The following CCDC146 variants were observed in gnomAD, a reference collection of about 807,000 sequenced individuals.
The protein encoded by CCDC146 is coiled-coil domain containing 146.
CCDC146 carries 92 observed loss-of-function variants against 119.3 expected under a neutral mutation model. The observed-to-expected ratio is 0.77, with a 90% confidence interval of 0.65 to 0.92. The LOEUF (loss-of-function observed/expected upper bound fraction) is 0.92. CCDC146 is among the 40% of genes least tolerant of loss of function. The pLI, the probability that CCDC146 is intolerant of heterozygous loss-of-function variation, is 0.00. For missense variants in CCDC146, 1,000 were observed against 1,103.0 expected (o/e 0.91, Z 1.32); for synonymous variants, 372 against 371.8 (o/e 1.00, Z -0.01).
intron 3 of CCDC146, among the ~76,000 whole-genome samples, chr7:77,239,509 T>C (rs1376719202): frequency 6.6e-6 from 1 of 152,190 alleles, no homozygotes; most frequent in African/African-American, 2.4e-5. Flanking sequence ...CTGTACTGAA[T>C]TGAGAATATC....
At position 77,241,298 on chromosome 7, in the gene CCDC146, C is replaced by A. The variant is rs561467580; in HGVS notation, c.240-393C>A. Among the ~76,000 whole-genome samples, 58 of 94,808 alleles carry A rather than the reference C, an allele frequency of 6.1e-4. 13 individuals are homozygous for A. The highest frequency in any genetic ancestry group is 1.2e-3 in the African/African-American group (43 of 36,502). 62.2% of individuals were successfully genotyped at this position (94,808 alleles called of 152,430 possible). On this transcript the variant is annotated intron_variant, in intron 3 of 18. Transcript: ENST00000285871. ...GGTTTCGATCTCCTGACCTTGTGAT[C>A]CGCCTGCCTCGGCCTCCCAAAGTGC...
chr7:77,286,710 A>G, intron 15 of CCDC146, 88 bp from the exon 16 acceptor site: 1 of 1,382,682 alleles, frequency 7.2e-7, no homozygotes, highest in Non-Finnish European at 1.0e-6. Flanking sequence ...TGGTCCTACT[A>G]AAAAACTCTC....
intron 2 of CCDC146, among the ~76,000 whole-genome samples, chr7:77,180,933 T>C (rs1463646439): frequency 1.3e-5 from 2 of 152,236 alleles, no homozygotes; most frequent in Non-Finnish European, 2.9e-5. Context: ...AAGAATGTTA[T>C]TTCATGATAG....
intron 9 of CCDC146, among the ~76,000 whole-genome samples, chr7:77,268,469 T>TC (rs1300836223): frequency 6.6e-6 from 1 of 152,168 alleles, no homozygotes; most frequent in African/African-American, 2.4e-5. Flanking sequence ...TCCAAAGTAG[T>TC]CCATTTCTGT....
intron 11 of CCDC146, among the ~76,000 whole-genome samples, chr7:77,276,737 G>T (rs567199296): frequency 6.6e-6 from 1 of 152,286 alleles, no homozygotes; most frequent in South Asian, 2.1e-4. Flanking sequence ...CGGGTAAGAT[G>T]CAGGAGCAGG....
intron 1 of CCDC146, among the ~76,000 whole-genome samples, chr7:77,141,164 G>A (rs550891721): frequency 3.3e-5 from 5 of 152,250 alleles, no homozygotes; most frequent in Admixed American, 2.6e-4. Context: ...GTGAGGACAT[G>A]TGATGTTTAG....
At chr7:77,214,087 G>A (rs80023471) in intron 2 of CCDC146, among the ~76,000 whole-genome samples, 9,017 of 152,136 alleles carry the variant, frequency 0.059, 709 homozygotes, top group African/African-American at 0.18. Flanking sequence ...AACCAGCAGC[G>A]TATAAGGATT....
chr7:77,270,550 G>A (rs900053193), intron 9 of CCDC146, among the ~76,000 whole-genome samples: 1 of 152,090 alleles, frequency 6.6e-6, no homozygotes, highest in Non-Finnish European at 1.5e-5. Flanking sequence ...CACATTAATG[G>A]AGACTTCAGT....
intron 1 of CCDC146, among the ~76,000 whole-genome samples, chr7:77,144,924 T>A (rs1790992112): frequency 6.6e-6 from 1 of 151,854 alleles, no homozygotes; most frequent in African/African-American, 2.4e-5. Context: ...AGGATGATGC[T>A]GGCCTCATAA....
chr7:77,168,148 T>C (rs1238873320), intron 2 of CCDC146, among the ~76,000 whole-genome samples: 1 of 152,144 alleles, frequency 6.6e-6, no homozygotes, highest in Non-Finnish European at 1.5e-5. Flanking sequence ...TACATTTACT[T>C]CCATAAAATT....
intron 1 of CCDC146, among the ~76,000 whole-genome samples, chr7:77,123,749 T>G (rs1424791253): frequency 6.6e-6 from 1 of 152,200 alleles, no homozygotes; most frequent in Admixed American, 6.5e-5. Context: ...TCAGGTTCTC[T>G]GCTAGCCACT....
chr7:77,250,763 C>T (rs1380995589), intron 4 of CCDC146, among the ~76,000 whole-genome samples: 1 of 149,454 alleles, frequency 6.7e-6, no homozygotes, highest in Non-Finnish European at 1.5e-5. Flanking sequence ...TGGTATTCCT[C>T]TTATGAGTAT....
intron 2 of CCDC146, among the ~76,000 whole-genome samples, chr7:77,218,376 C>A (rs1792337863): frequency 6.6e-6 from 1 of 151,570 alleles, no homozygotes; most frequent in Non-Finnish European, 1.5e-5. Flanking sequence ...CTCAAATGCC[C>A]ACAAGGCCCA....
chr7:77,280,414 T>G lies in CCDC146; in HGVS notation c.1695-15T>G. 1 of 1,585,600 alleles carries G rather than the reference T, an allele frequency of 6.3e-7. No homozygotes were observed. Among genetic ancestry groups the G allele is most frequent in the Non-Finnish European group, 8.6e-7 (1 of 1,163,956 alleles). On this transcript the variant is annotated splice_polypyrimidine_tract_variant and intron_variant, in intron 13 of 18. Transcript: ENST00000285871. ...GAAAATTATAATCTTACCCATTGTC[T>G]TATTACTTTAAAAGAAAGCTACAAA...
intron 4 of CCDC146, among the ~76,000 whole-genome samples, chr7:77,253,388 T>G (rs1793115831): frequency 6.6e-6 from 1 of 152,230 alleles, no homozygotes; most frequent in African/African-American, 2.4e-5. Context: ...CTTCACACCT[T>G]TGAACAACTG....
intron 2 of CCDC146, among the ~76,000 whole-genome samples, chr7:77,182,971 C>T (rs184258913): frequency 3.3e-5 from 5 of 152,094 alleles, no homozygotes; most frequent in South Asian, 2.1e-4. Context: ...TGAATAAAAC[C>T]GAGCCTTCTC....
chr7:77,194,576 G>GCCTAGCGT (rs1270955214), intron 2 of CCDC146: 1 of 151,948 alleles, frequency 6.6e-6, no homozygotes, highest in Non-Finnish European at 1.5e-5. Context: ...TTCTGTAAGG[G>GCCTAGCGT]CCTAATATTT....
chr7:77,219,454 C>T (rs557060291), intron 2 of CCDC146, among the ~76,000 whole-genome samples: 17 of 152,086 alleles, frequency 1.1e-4, no homozygotes, highest in Admixed American at 9.2e-4. Flanking sequence ...ATATTCCCAC[C>T]CTTTTCCAAG....
At chr7:77,162,677 AG>A (rs1791280200) in intron 1 of CCDC146, among the ~76,000 whole-genome samples, 1 of 151,878 alleles carries the variant, frequency 6.6e-6, no homozygotes, top group African/African-American at 2.4e-5. Flanking sequence ...CTGTGAAAAA[AG>A]TGCCATTGGA....
Sources: allele counts gnomAD v4.1 joint callset (sites outside exome capture counted in the v4.1 genomes callset), GRCh38; gene constraint gnomAD v4.1.1; transcripts MANE v1.5; gene names NCBI Gene and HGNC (gene_info 2026-07-23, HGNC 2026-07-21).